Variants in ROBO2 observed in about 807,000 individuals in gnomAD.
ROBO2 encodes roundabout guidance receptor 2, also known as roundabout homolog 2.
In ROBO2, 53 loss-of-function variants were observed where a neutral mutation model predicts 160.8. That is an observed-to-expected ratio of 0.33 (90% CI 0.26 to 0.41). The LOEUF is 0.41. Among genes scored for constraint, ROBO2 ranks in the 10% least tolerant of loss-of-function variants. The probability of loss-of-function intolerance (pLI) is 1.00; values close to 1 mark genes in which losing one functional copy is unlikely to be tolerated. For missense variants in ROBO2, 1,577 were observed against 1,722.4 expected, an observed-to-expected ratio of 0.92 and a Z score of 1.49; for synonymous variants, 664 against 611.7, an observed-to-expected ratio of 1.09 and a Z score of -1.26.
intron 2 of ROBO2, among the ~76,000 whole-genome samples, chr3:76,255,072 C>A (rs180749106): frequency 3.4e-4 from 52 of 152,104 alleles, no homozygotes; most frequent in Admixed American, 1.1e-3. Flanking sequence ...AGATGCCATT[C>A]ATTAGGATAA....
At chr3:76,835,448 TTA>T (rs2067601026) in intron 2 of ROBO2, among the ~76,000 whole-genome samples, 2 of 148,094 alleles carry the variant, frequency 1.4e-5, no homozygotes, top group Admixed American at 6.8e-5. Flanking sequence ...ATGTAATACA[TTA>T]TATGTTTGCA....
chr3:76,283,820 G>T (rs1376491975), intron 2 of ROBO2, among the ~76,000 whole-genome samples: 2 of 151,968 alleles, frequency 1.3e-5, no homozygotes, highest in Non-Finnish European at 2.9e-5. Flanking sequence ...TATGAAAGTT[G>T]ATTATGTTTG....
intron 2 of ROBO2, among the ~76,000 whole-genome samples, chr3:76,627,032 T>A (rs2089696199): frequency 6.6e-6 from 1 of 152,270 alleles, no homozygotes; most frequent in South Asian, 2.1e-4. Flanking sequence ...ATGCCTCTAT[T>A]CAAGGAGATG....
In ROBO2 at chr3:77,200,321, A is replaced by ATTTTTTT. The variant is rs201851831; in HGVS notation, c.388+101985_388+101986insTTTTTTT. Among the ~76,000 whole-genome samples, 3 of 54,916 alleles carry ATTTTTTT rather than the reference A, an allele frequency of 5.5e-5. No individual in the cohort carries two copies. In the East Asian group the frequency reaches 1.5e-3, roughly 27 times the overall value. The allele number at this position is 54,916 out of a possible 152,430, so 36.0% of individuals were successfully genotyped here. ...TATATATATATATATATATATATAT[A>ATTTTTTT]TTTTAGTTTCTATAGGTAAAGGGAA... On this transcript the variant is annotated intron_variant, in intron 2 of 25. Transcript: ENST00000461745.
chr3:77,380,917 A>C (rs1250892965), intron 2 of ROBO2, among the ~76,000 whole-genome samples: 1 of 147,216 alleles, frequency 6.8e-6, no homozygotes, highest in Non-Finnish European at 1.5e-5. Context: ...GTAAAATCAC[A>C]GTGTTCCTTT....
intron 6 of ROBO2, among the ~76,000 whole-genome samples, chr3:77,538,663 A>C (rs2092300301): frequency 6.6e-6 from 1 of 152,300 alleles, no homozygotes; most frequent in African/African-American, 2.4e-5. Flanking sequence ...GTGTGTATGC[A>C]TTTCCAATAT....
chr3:76,615,357 A>G (rs1477591814), intron 2 of ROBO2, among the ~76,000 whole-genome samples: 1 of 152,160 alleles, frequency 6.6e-6, no homozygotes, highest in Non-Finnish European at 1.5e-5. Flanking sequence ...ACTACTGCAC[A>G]TCAATTCATG....
chr3:76,756,330 G>A (rs1287731729), intron 2 of ROBO2, among the ~76,000 whole-genome samples: 6 of 151,844 alleles, frequency 4.0e-5, no homozygotes, highest in African/African-American at 1.4e-4. Context: ...TACAGGAGGT[G>A]AAATGTAGTA....
At position 76,254,451 on chromosome 3, in the gene ROBO2, G is replaced by A. The variant is rs144517413; in HGVS notation, c.109+316849G>A. Among the ~76,000 whole-genome samples, 525 of 152,150 alleles carry A rather than the reference G, an allele frequency of 3.5e-3. 6 individuals are homozygous for A. The highest frequency in any genetic ancestry group is 0.025 in the Admixed American group (378 of 15,264). On this transcript the variant is annotated intron_variant, in intron 2 of 26. Transcript: ENST00000487694. ...TTGTAAGACACAGAATTTTTCCAGCGTGTAAATGCAGAGTCAGTCAGAGAC... is the reference window on the plus strand; with the variant it reads ...TTGTAAGACACAGAATTTTTCCAGCATGTAAATGCAGAGTCAGTCAGAGAC...
intron 2 of ROBO2, among the ~76,000 whole-genome samples, chr3:76,554,228 C>A (rs1458728146): frequency 6.6e-6 from 1 of 152,054 alleles, no homozygotes; most frequent in Non-Finnish European, 1.5e-5. Context: ...AGGGAACTTG[C>A]CAAAGACCAT....
chr3:76,605,552 G>A (rs2087582990), intron 2 of ROBO2, among the ~76,000 whole-genome samples: 1 of 152,148 alleles, frequency 6.6e-6, no homozygotes, highest in Non-Finnish European at 1.5e-5. Flanking sequence ...GTGTAATTTG[G>A]ATGTTCTAAT....
chr3:77,476,461 T>C (rs1456594645), intron 2 of ROBO2, among the ~76,000 whole-genome samples: 1 of 151,976 alleles, frequency 6.6e-6, no homozygotes, highest in African/African-American at 2.4e-5. Flanking sequence ...TGTTGGAATG[T>C]CCAAGAACAG....
chr3:76,072,542 A>G (rs944659338), intron 2 of ROBO2, among the ~76,000 whole-genome samples: 1 of 152,288 alleles, frequency 6.6e-6, no homozygotes, highest in East Asian at 1.9e-4. Flanking sequence ...TCAGAAACTT[A>G]TACTAAATTA....
intron 2 of ROBO2, among the ~76,000 whole-genome samples, chr3:76,559,886 A>C (rs1163648439): frequency 2.6e-5 from 4 of 152,092 alleles, no homozygotes; most frequent in Admixed American, 6.6e-5. Context: ...AGTCATCTCC[A>C]GACTTGTAAT....
At chr3:76,400,972 C>A (rs140713137) in intron 2 of ROBO2, among the ~76,000 whole-genome samples, 1 of 151,636 alleles carries the variant, frequency 6.6e-6, no homozygotes, top group Admixed American at 6.6e-5. Context: ...TAGGTATACA[C>A]AAAAATATCT....
At chr3:77,012,232 A>G (rs2061965085) in intron 2 of ROBO2, among the ~76,000 whole-genome samples, 1 of 152,142 alleles carries the variant, frequency 6.6e-6, no homozygotes, top group Non-Finnish European at 1.5e-5. Flanking sequence ...ACTACAGCAT[A>G]CCCTGGAATA....
chr3:76,378,506 C>T (rs2076460061), intron 2 of ROBO2, among the ~76,000 whole-genome samples: 1 of 152,174 alleles, frequency 6.6e-6, no homozygotes, highest in Admixed American at 6.6e-5. Flanking sequence ...ATCCCTCCAT[C>T]AATCCTTTTA....
intron 2 of ROBO2, among the ~76,000 whole-genome samples, chr3:76,373,845 A>G (rs1015600576): frequency 2.0e-5 from 3 of 151,794 alleles, no homozygotes; most frequent in African/African-American, 7.3e-5. Context: ...TGCTGGGCTC[A>G]CTCGTGCTTC....
intron 2 of ROBO2, among the ~76,000 whole-genome samples, chr3:77,144,484 GTTC>G (rs2076966078): frequency 6.6e-6 from 1 of 152,106 alleles, no homozygotes; most frequent in African/African-American, 2.4e-5. Context: ...TTTGCAGTAT[GTTC>G]TTCTTAAAAT....
Sources: gnomAD v4.1 joint callset for allele counts (sites outside exome capture counted in the v4.1 genomes callset) on GRCh38, gnomAD v4.1.1 for gene constraint, MANE v1.5 for transcripts, NCBI Gene and HGNC (gene_info 2026-07-23, HGNC 2026-07-21) for gene names.